Variants in ARL6IP6 observed in about 807,000 individuals in gnomAD.
ARL6IP6 encodes ARF like GTPase 6 interacting protein 6.
In ARL6IP6, 22 loss-of-function variants were observed where a neutral mutation model predicts 21.5. The ratio of observed to expected loss-of-function variants is 1.02; its 90% confidence interval spans 0.73 to 1.46. ARL6IP6 has a LOEUF of 1.46. ARL6IP6 is among the 40% of genes most tolerant of loss of function. The pLI is 0.00. For synonymous variants in ARL6IP6, 164 were observed against 125.3 expected (o/e 1.31, Z -2.06); for missense variants, 388 against 299.8 (o/e 1.29, Z -2.17).
chr2:152,719,134 C>T, intron 1 of ARL6IP6, 110 bp downstream of exon 1: 1 of 1,262,164 alleles, frequency 7.9e-7, no homozygotes, highest in Non-Finnish European at 1.1e-6. Context: ...AGGCTGGCAG[C>T]TGCTTTCACC....
intron 3 of ARL6IP6, among the ~76,000 whole-genome samples, chr2:152,742,007 T>G (rs1229914353): frequency 6.6e-6 from 1 of 152,204 alleles, no homozygotes; most frequent in African/African-American, 2.4e-5. Flanking sequence ...TAAATAGGCA[T>G]TCCCATGTTT....
Position 152,761,179 on chromosome 2 carries a change from G to A in ARL6IP6, c.*1339G>A, listed in dbSNP as rs912020670. On this transcript the variant is annotated 3_prime_UTR_variant, in exon 4 of 4. Transcript: ENST00000326446. Reference sequence around the variant, plus strand: ...ACTAAACAAGGTTTCTAAAAGTCTCGCATTTCTTTTACTATTCAAAACTCT... The same window carrying A: ...ACTAAACAAGGTTTCTAAAAGTCTCACATTTCTTTTACTATTCAAAACTCT... The A allele has an allele frequency of 2.6e-5, 4 of 152,018 alleles. No individual in the cohort carries two copies. Among genetic ancestry groups the A allele is most frequent in the Admixed American group, 6.6e-5 (1 of 15,246 alleles). The allele number at this position is 152,018 out of a possible 1,614,324, so 9.4% of individuals were successfully genotyped here. A position where few individuals can be genotyped will look rare whatever the true frequency, so the allele number is the denominator to read the frequency against.
chr2:152,746,001 C>CTTTTTTTTTTTTTTTT (rs67760283), intron 3 of ARL6IP6, among the ~76,000 whole-genome samples: 5 of 66,378 alleles, frequency 7.5e-5, no homozygotes, highest in Non-Finnish European at 1.2e-4. Flanking sequence ...TGCTTTGTAC[C>CTTTTTTTTTTTTTTTT]TTTTTTTTTT....
chr2:152,717,763 T>A, upstream of ARL6IP6: 1 of 1,259,118 alleles, frequency 7.9e-7, no homozygotes, highest in Non-Finnish European at 1.0e-6. Context: ...CCTCACCCCG[T>A]AGGGGGTGGG....
chr2:152,749,568 A>G (rs1701224323), intron 3 of ARL6IP6, among the ~76,000 whole-genome samples: 2 of 152,180 alleles, frequency 1.3e-5, no homozygotes, highest in African/African-American at 4.8e-5. Flanking sequence ...ATCATTTACT[A>G]TGTGCCAGAC....
intron 3 of ARL6IP6, among the ~76,000 whole-genome samples, chr2:152,755,805 C>T (rs1701563327): frequency 6.6e-6 from 1 of 152,128 alleles, no homozygotes; most frequent in Admixed American, 6.5e-5. Flanking sequence ...ATCTCTTTGT[C>T]TTGTGTCTTT....
In ARL6IP6 at chr2:152,735,013, A is replaced by G. The variant is rs1406235664; in HGVS notation, c.474A>G (p.Ile158Met). Residue 158 changes from isoleucine (I) to methionine (M), a missense_variant, in exon 3 of 4, where the codon ATA becomes ATG. Ile to Met is a conservative substitution (Grantham distance 10). Coordinates refer to ENST00000326446, the MANE Select transcript of ARL6IP6 (RefSeq NM_152522.7). Reference sequence around the variant, plus strand: ...GTTAAGGATTCTGGACTCTACTTATAATATCCCTAACTGCTGGATTCTCCT... The same window carrying G: ...GTTAAGGATTCTGGACTCTACTTATGATATCCCTAACTGCTGGATTCTCCT... ...TGLLGFWTLL[I>M]ISLTAGFSCC... 1 of 1,613,058 alleles carries G rather than the reference A, an allele frequency of 6.2e-7. No homozygotes were observed. The highest frequency in any genetic ancestry group is 1.3e-5 in the African/African-American group (1 of 74,908).
chr2:152,718,191 A>G (rs755126926), upstream of ARL6IP6: 8 of 558,864 alleles, frequency 1.4e-5, no homozygotes, highest in Non-Finnish European at 1.8e-5. Flanking sequence ...GAGAAGACAA[A>G]TAGGTTCGGG....
At chr2:152,753,621 A>G (rs2064043553) in intron 3 of ARL6IP6, among the ~76,000 whole-genome samples, 1 of 148,592 alleles carries the variant, frequency 6.7e-6, no homozygotes, top group Admixed American at 6.7e-5. Context: ...GTGTTTATTA[A>G]AAAAAAAAAG....
At chr2:152,758,499 A>C (rs1701687372) in intron 3 of ARL6IP6, among the ~76,000 whole-genome samples, 1 of 152,146 alleles carries the variant, frequency 6.6e-6, no homozygotes, top group Non-Finnish European at 1.5e-5. Flanking sequence ...TTCTTTTTTA[A>C]AGGGACAAAG....
At chr2:152,734,249 CAG>C (rs1256912500) in intron 2 of ARL6IP6, among the ~76,000 whole-genome samples, 1 of 152,126 alleles carries the variant, frequency 6.6e-6, no homozygotes, top group African/African-American at 2.4e-5. Flanking sequence ...GTTCCAAACT[CAG>C]TGCGAATAAA....
At chr2:152,732,144 GGT>G (rs1700345173) in intron 2 of ARL6IP6, among the ~76,000 whole-genome samples, 1 of 151,232 alleles carries the variant, frequency 6.6e-6, no homozygotes, top group South Asian at 2.1e-4. Context: ...AATATACAAA[GGT>G]ATATATATAT....
At chr2:152,754,004 G>A (rs896907385) in intron 3 of ARL6IP6, among the ~76,000 whole-genome samples, 1 of 151,670 alleles carries the variant, frequency 6.6e-6, no homozygotes, top group South Asian at 2.1e-4. Flanking sequence ...CCCGGTCCAG[G>A]TCCTTTTTAA....
upstream of ARL6IP6, chr2:152,717,708 G>C: frequency 7.2e-7 from 1 of 1,381,732 alleles, no homozygotes; most frequent in South Asian, 1.5e-5. Flanking sequence ...AACTTCCCCA[G>C]GGGAAGGGAA....
At chr2:152,717,716 G>A (rs963648879), upstream of ARL6IP6, 5 of 1,370,002 alleles carry the variant, frequency 3.6e-6, no homozygotes, top group East Asian at 2.9e-5. Flanking sequence ...CAGGGGAAGG[G>A]AAGACAACAG....
At chr2:152,744,454 A>G (rs1700955839) in intron 3 of ARL6IP6, among the ~76,000 whole-genome samples, 1 of 152,106 alleles carries the variant, frequency 6.6e-6, no homozygotes, top group Non-Finnish European at 1.5e-5. Flanking sequence ...GGTTGTATTT[A>G]TGGCTTATTT....
At chr2:152,744,623 A>C (rs1700965202) in intron 3 of ARL6IP6, among the ~76,000 whole-genome samples, 1 of 152,134 alleles carries the variant, frequency 6.6e-6, no homozygotes. Context: ...ATTATTTCAC[A>C]GTTAATATAC....
rs932523354 is a variant in ARL6IP6 at position 152,761,946 on chromosome 2, T to G, written c.*2106T>G. On this transcript the variant is annotated 3_prime_UTR_variant, in exon 4 of 4. Coordinates refer to ENST00000326446, the MANE Select transcript of ARL6IP6 (RefSeq NM_152522.7). ...TAATATAGATAAATATAGAGAGAGA[T>G]GTATCCGTAAGATATTTTTGTGGAA... Among the ~76,000 whole-genome samples, 2 of 152,158 alleles carry G rather than the reference T, an allele frequency of 1.3e-5. No homozygotes were observed. The highest frequency in any genetic ancestry group is 2.9e-5 in the Non-Finnish European group (2 of 68,044).
chr2:152,721,879 A>T (rs1295853976), intron 2 of ARL6IP6, among the ~76,000 whole-genome samples: 1 of 152,232 alleles, frequency 6.6e-6, no homozygotes, highest in Admixed American at 6.5e-5. Flanking sequence ...GTTCTTGTCA[A>T]CATCTTGCAT....
Sources: gnomAD v4.1 joint callset for allele counts (sites outside exome capture counted in the v4.1 genomes callset) on GRCh38, gnomAD v4.1.1 for gene constraint, MANE v1.5 for transcripts, NCBI Gene and HGNC (gene_info 2026-07-23, HGNC 2026-07-21) for gene names.